The following ST6GAL2 variants were observed in gnomAD, a reference collection of about 807,000 sequenced individuals.
ST6GAL2 encodes ST6 beta-galactoside alpha-2,6-sialyltransferase 2.
A neutral mutation model predicts 37.5 loss-of-function variants in ST6GAL2; 24 were observed. The observed-to-expected ratio is 0.64, with a 90% CI of 0.46 to 0.90. The LOEUF (loss-of-function observed/expected upper bound fraction) is 0.90. ST6GAL2 is among the 40% of genes least tolerant of loss of function. The pLI, the probability that ST6GAL2 is intolerant of heterozygous loss-of-function variation, is 0.00. For synonymous variants in ST6GAL2, 306 were observed against 295.1 expected (o/e 1.04, Z -0.38); for missense variants, 715 against 712.7 (o/e 1.00, Z -0.04).
intron 2 of ST6GAL2, among the ~76,000 whole-genome samples, chr2:106,837,998 G>A (rs1340593544): frequency 6.6e-6 from 1 of 152,186 alleles, no homozygotes; most frequent in African/African-American, 2.4e-5. Context: ...CAGCCACTGT[G>A]AGCAGCGTGG....
intron 5 of ST6GAL2, among the ~76,000 whole-genome samples, chr2:106,817,606 CAG>C (rs1447968805): frequency 6.6e-6 from 1 of 152,050 alleles, no homozygotes; most frequent in Admixed American, 6.5e-5. Flanking sequence ...GGGTGAGACT[CAG>C]AGCCATGTTG....
Position 106,843,288 on chromosome 2 carries a change from G to A in ST6GAL2, c.690C>T (p.Thr230=). 1.9e-6 allele frequency: 3 copies of A among 1,611,802 alleles called. No individual in the cohort carries two copies. The highest frequency in any genetic ancestry group is 1.7e-6 in the Non-Finnish European group (2 of 1,179,048). The change falls in exon 2 of 6, where the codon ACC becomes ACT. Residue 230 remains threonine (T), a synonymous_variant. Coordinates refer to ENST00000409382, the MANE Select transcript of ST6GAL2 (RefSeq NM_001142351.2). The stretch of plus-strand genomic sequence containing the variant: ...GGAAGCGCACCCCGTGCTTGTTGGC[G>A]GTCAGGTAATCCTTCATCGCCTTCT... The part of the protein sequence containing the change: ...RLQKAMKDYL[T]ANKHGVRFRG...
intron 1 of ST6GAL2, among the ~76,000 whole-genome samples, chr2:106,859,858 T>A (rs1485278519): frequency 6.6e-6 from 1 of 151,824 alleles, no homozygotes; most frequent in East Asian, 1.9e-4. Context: ...CAACCCTCCA[T>A]TATTCTTCCT....
chr2:106,843,289 G>A lies in ST6GAL2; in HGVS notation c.689C>T (p.Thr230Ile), dbSNP rs141122114. The A allele has an allele frequency of 2.7e-4, 441 of 1,612,028 alleles. No individual in the cohort carries two copies. The highest frequency in any genetic ancestry group is 3.6e-4 in the Non-Finnish European group (427 of 1,179,230). ...GAAGCGCACCCCGTGCTTGTTGGCG[G>A]TCAGGTAATCCTTCATCGCCTTCTG... is the stretch of plus-strand genomic sequence containing the variant. ...RLQKAMKDYL[T>I]ANKHGVRFRG... is the part of the protein sequence containing the mutation. The change falls in exon 2 of 6, where the codon ACC becomes ATC. Residue 230 changes from threonine to isoleucine, a missense_variant. Physicochemically the swap from Thr to Ile is moderately conservative, Grantham distance 89. Transcript: ENST00000409382.
At chr2:106,841,397 C>T (rs1029801377) in intron 2 of ST6GAL2, among the ~76,000 whole-genome samples, 1 of 152,228 alleles carries the variant, frequency 6.6e-6, no homozygotes, top group African/African-American at 2.4e-5. Flanking sequence ...ACAACGCCTA[C>T]TGTGAGAGTG....
At chr2:106,814,040 T>A (rs1293555611) in intron 5 of ST6GAL2, among the ~76,000 whole-genome samples, 1 of 152,158 alleles carries the variant, frequency 6.6e-6, no homozygotes, top group East Asian at 1.9e-4. Flanking sequence ...TAGAAAATAT[T>A]TGTAACTAAA....
intron 1 of ST6GAL2, among the ~76,000 whole-genome samples, chr2:106,845,199 G>T (rs887637993): frequency 8.5e-5 from 13 of 152,180 alleles, no homozygotes; most frequent in African/African-American, 3.1e-4. Context: ...GGTGCTGGAA[G>T]AAGAAGCAAG....
chr2:106,844,432 A>G (rs984433802), intron 1 of ST6GAL2, among the ~76,000 whole-genome samples: 3 of 152,164 alleles, frequency 2.0e-5, no homozygotes, highest in Non-Finnish European at 2.9e-5. Flanking sequence ...GCAAAGCCAG[A>G]GAGGTAAGCA....
chr2:106,859,733 A>G (rs1199517744), intron 1 of ST6GAL2, among the ~76,000 whole-genome samples: 3 of 152,102 alleles, frequency 2.0e-5, no homozygotes, highest in African/African-American at 4.8e-5. Flanking sequence ...TGAACTATGA[A>G]GAACTTCTGA....
At chr2:106,822,856 G>A (rs1384517369) in intron 5 of ST6GAL2, 1 of 152,114 alleles carries the variant, frequency 6.6e-6, no homozygotes. Flanking sequence ...AAGTAAGCTT[G>A]TAATGAAAGC....
Position 106,806,587 on chromosome 2 carries a change from A to G in ST6GAL2, c.*91T>C. The G allele has an allele frequency of 7.0e-7, 1 of 1,427,916 alleles. No individual in the cohort carries two copies. The allele number at this position is 1,427,916 out of a possible 1,614,324, so 88.5% of individuals were successfully genotyped here. ...AATTACTGTTTAAAGACTCAAAACT[A>G]CACTGTCTAAAATCTATCTTCAAGT... On this transcript the variant is annotated 3_prime_UTR_variant, in exon 6 of 6. Transcript: ENST00000409382.
intron 5 of ST6GAL2, among the ~76,000 whole-genome samples, chr2:106,817,546 G>A (rs1675848460): frequency 6.6e-6 from 1 of 152,176 alleles, no homozygotes; most frequent in Non-Finnish European, 1.5e-5. Context: ...AGAGCTGCTG[G>A]GTCTTGAATA....
chr2:106,870,971 C>G (rs1412445756), intron 1 of ST6GAL2, among the ~76,000 whole-genome samples: 3 of 152,080 alleles, frequency 2.0e-5, no homozygotes, highest in Non-Finnish European at 4.4e-5. Flanking sequence ...ATGACAGAGA[C>G]ACATTCTGAG....
At chr2:106,826,665 T>C (rs1474062925) in intron 5 of ST6GAL2, among the ~76,000 whole-genome samples, 2 of 152,048 alleles carry the variant, frequency 1.3e-5, no homozygotes, top group Non-Finnish European at 2.9e-5. Context: ...CCCAGGTGAA[T>C]TGGGAATTAC....
At chr2:106,875,937 A>G (rs951331572) in intron 1 of ST6GAL2, among the ~76,000 whole-genome samples, 2 of 152,196 alleles carry the variant, frequency 1.3e-5, no homozygotes, top group Non-Finnish European at 2.9e-5. Flanking sequence ...TACAAGTTAA[A>G]TGCCAAATAA....
chr2:106,881,134 T>C (rs142047947), intron 1 of ST6GAL2, among the ~76,000 whole-genome samples: 9 of 152,210 alleles, frequency 5.9e-5, no homozygotes, highest in Non-Finnish European at 1.3e-4. Flanking sequence ...TACAGGTGCA[T>C]GCCCTCACAC....
chr2:106,807,197 G>A (rs1303665533), intron 5 of ST6GAL2, among the ~76,000 whole-genome samples: 1 of 152,086 alleles, frequency 6.6e-6, no homozygotes, highest in Non-Finnish European at 1.5e-5. Flanking sequence ...TTATCACTGT[G>A]GGCCTGGTAA....
chr2:106,877,253 G>A (rs769620506), intron 1 of ST6GAL2, among the ~76,000 whole-genome samples: 2 of 152,250 alleles, frequency 1.3e-5, no homozygotes, highest in Non-Finnish European at 2.9e-5. Context: ...GATCCCAGAA[G>A]GTGGTTTGGG....
intron 1 of ST6GAL2, among the ~76,000 whole-genome samples, chr2:106,852,288 C>A (rs1231889058): frequency 1.3e-5 from 2 of 152,214 alleles, no homozygotes; most frequent in African/African-American, 4.8e-5. Flanking sequence ...GAAGGGCAGC[C>A]CCCCTGCAGG....
Sources: allele counts gnomAD v4.1 joint callset (sites outside exome capture counted in the v4.1 genomes callset), GRCh38; gene constraint gnomAD v4.1.1; transcripts MANE v1.5; gene names NCBI Gene and HGNC (gene_info 2026-07-23, HGNC 2026-07-21).